The following CRACD variants were observed in gnomAD, a reference collection of about 807,000 sequenced individuals.
CRACD encodes capping protein inhibiting regulator of actin dynamics.
CRACD carries 56 observed loss-of-function variants against 106.8 expected under a neutral mutation model. The observed-to-expected ratio is 0.52, with a 90% CI of 0.42 to 0.66. CRACD has a LOEUF of 0.66. Among genes scored for constraint, CRACD ranks in the 30% least tolerant of loss-of-function variants. The probability of loss-of-function intolerance (pLI) is 0.00; values close to 1 mark genes in which losing one functional copy is unlikely to be tolerated. For missense variants in CRACD, 1,730 were observed against 1,623.2 expected (o/e 1.07, Z -1.13); for synonymous variants, 754 against 670.8 (o/e 1.12, Z -1.92).
intron 2 of CRACD, among the ~76,000 whole-genome samples, chr4:56,257,445 T>C (rs886795488): frequency 7.3e-5 from 11 of 151,364 alleles, no homozygotes; most frequent in African/African-American, 2.7e-4. Flanking sequence ...GTCAGTACTT[T>C]GTGAGGCTGA....
At chr4:56,260,193 C>T (rs1324358418) in intron 2 of CRACD, among the ~76,000 whole-genome samples, 2 of 152,204 alleles carry the variant, frequency 1.3e-5, no homozygotes, top group African/African-American at 2.4e-5. Context: ...ATTAACCCAA[C>T]ATTTTTGTTT....
At chr4:56,269,547 G>A (rs1159858620) in intron 2 of CRACD, among the ~76,000 whole-genome samples, 2 of 149,334 alleles carry the variant, frequency 1.3e-5, no homozygotes, top group East Asian at 2.0e-4. Context: ...GAGCAAGGTC[G>A]GGGGAGGTGC....
intron 1 of CRACD, among the ~76,000 whole-genome samples, chr4:56,082,340 T>C (rs929309361): frequency 3.3e-5 from 5 of 152,104 alleles, no homozygotes; most frequent in Admixed American, 6.6e-5. Context: ...CCAGATTGTA[T>C]AGGAGTTTGG....
intron 3 of CRACD, among the ~76,000 whole-genome samples, chr4:56,276,345 C>T (rs1281780094): frequency 1.3e-5 from 2 of 151,936 alleles, no homozygotes; most frequent in East Asian, 1.9e-4. Context: ...ATGTGGGACT[C>T]GACAGAACTT....
intron 1 of CRACD, among the ~76,000 whole-genome samples, chr4:56,071,186 A>G (rs1036711752): frequency 4.6e-5 from 7 of 152,172 alleles, no homozygotes; most frequent in Non-Finnish European, 7.4e-5. Context: ...TTATTCTCCT[A>G]AAGTTTTTGC....
intron 1 of CRACD, among the ~76,000 whole-genome samples, chr4:56,136,469 G>T (rs1374658782): frequency 6.6e-6 from 1 of 152,046 alleles, no homozygotes; most frequent in Non-Finnish European, 1.5e-5. Context: ...GGTGTGTCAT[G>T]GTATCTTTTG....
chr4:56,111,516 T>C (rs1734121240), intron 1 of CRACD, among the ~76,000 whole-genome samples: 1 of 152,160 alleles, frequency 6.6e-6, no homozygotes, highest in African/African-American at 2.4e-5. Flanking sequence ...ACCCCCCAAA[T>C]GTAAGTCATT....
chr4:56,104,105 A>G (rs1275362802), intron 1 of CRACD, among the ~76,000 whole-genome samples: 1 of 152,220 alleles, frequency 6.6e-6, no homozygotes, highest in East Asian at 1.9e-4. Flanking sequence ...ACTATCGAAA[A>G]AAATAAATTG....
chr4:56,172,555 C>T (rs145622523), intron 1 of CRACD, among the ~76,000 whole-genome samples: 5,178 of 152,124 alleles, frequency 0.034, 283 homozygotes, highest in African/African-American at 0.12. Context: ...CCCTGCCTCC[C>T]GGGTTCAAGC....
At chr4:56,115,150 T>C (rs1734237941) in intron 1 of CRACD, among the ~76,000 whole-genome samples, 1 of 152,200 alleles carries the variant, frequency 6.6e-6, no homozygotes, top group African/African-American at 2.4e-5. Context: ...CTTTTTTGTC[T>C]ACCTCTATAA....
At chr4:56,225,851 CTGTATAATA>C (rs1436175181) in intron 2 of CRACD, among the ~76,000 whole-genome samples, 1 of 152,194 alleles carries the variant, frequency 6.6e-6, no homozygotes, top group African/African-American at 2.4e-5. Context: ...TGAGATATTA[CTGTATAATA>C]CAAGGAAGTC....
chr4:56,073,632 A>T (rs1409982242), intron 1 of CRACD, among the ~76,000 whole-genome samples: 2 of 151,896 alleles, frequency 1.3e-5, no homozygotes, highest in Non-Finnish European at 2.9e-5. Flanking sequence ...GATTGCAAAA[A>T]TTTTCTCCCA....
At chr4:56,118,561 CAG>C (rs992710088) in intron 1 of CRACD, among the ~76,000 whole-genome samples, 4 of 152,090 alleles carry the variant, frequency 2.6e-5, no homozygotes, top group Non-Finnish European at 5.9e-5. Flanking sequence ...TTAGGAAGCG[CAG>C]AGTTTCACTT....
chr4:56,163,544 T>C (rs1736032775), intron 1 of CRACD, among the ~76,000 whole-genome samples: 1 of 152,170 alleles, frequency 6.6e-6, no homozygotes, highest in Non-Finnish European at 1.5e-5. Flanking sequence ...GATTGCTTCA[T>C]TTTATTTTTA....
At chr4:56,245,109 A>G (rs1297026380) in intron 2 of CRACD, among the ~76,000 whole-genome samples, 1 of 152,218 alleles carries the variant, frequency 6.6e-6, no homozygotes, top group African/African-American at 2.4e-5. Context: ...TTCATCTAGA[A>G]ATGTTAATTC....
At chr4:56,298,114 G>A (rs542349138) in intron 3 of CRACD, 100 bp from the exon 4 acceptor site, 758 of 1,308,742 alleles carry the variant, frequency 5.8e-4, no homozygotes, top group Non-Finnish European at 7.2e-4. Context: ...GAATGAGACT[G>A]GGAATGTGGG....
intron 2 of CRACD, among the ~76,000 whole-genome samples, chr4:56,190,815 G>GT (rs965664723): frequency 8.5e-5 from 13 of 152,134 alleles, no homozygotes; most frequent in African/African-American, 2.4e-4. Flanking sequence ...GGGATTCTGT[G>GT]TGGGGGGAAT....
At chr4:56,124,699 G>C (rs570277007) in intron 1 of CRACD, among the ~76,000 whole-genome samples, 1 of 151,960 alleles carries the variant, frequency 6.6e-6, no homozygotes, top group African/African-American at 2.4e-5. Context: ...CATAAACATT[G>C]CCTCTCTTTT....
At chr4:56,100,868 G>A (rs1215856836) in intron 1 of CRACD, among the ~76,000 whole-genome samples, 1 of 152,122 alleles carries the variant, frequency 6.6e-6, no homozygotes, top group East Asian at 1.9e-4. Context: ...GGCAGCCCCA[G>A]CAAATGAATA....
Sources: allele counts gnomAD v4.1 joint callset (sites outside exome capture counted in the v4.1 genomes callset), GRCh38; gene constraint gnomAD v4.1.1; transcripts MANE v1.5; gene names NCBI Gene and HGNC (gene_info 2026-07-23, HGNC 2026-07-21).